The following PAK3 variants were observed in gnomAD, a reference collection of about 807,000 sequenced individuals.
PAK3 encodes serine/threonine-protein kinase PAK 3.
PAK3 carries 4 observed loss-of-function variants against 41.0 expected under a neutral mutation model. The ratio of observed to expected loss-of-function variants is 0.10; its 90% CI spans 0.05 to 0.22. The LOEUF is 0.22. PAK3 is among the 10% of genes least tolerant of loss of function. The probability of loss-of-function intolerance (pLI) is 1.00; values close to 1 mark genes in which losing one functional copy is unlikely to be tolerated. For synonymous variants in PAK3, 146 were observed against 139.6 expected (o/e 1.05, Z -0.32); for missense variants, 205 against 409.9 (o/e 0.50, Z 4.32).
intron 1 of PAK3, among the ~76,000 whole-genome samples, chrX:110,963,804 C>A (rs2091027859): frequency 8.9e-6 from 1 of 112,065 alleles, no homozygotes; most frequent in South Asian, 3.7e-4. Context: ...AGTTCTGATA[C>A]CTTGAGTCTT....
intron 16 of PAK3, 118 bp from the exon 17 acceptor site, chrX:111,216,303 A>G: frequency 1.9e-6 from 1 of 534,009 alleles, no homozygotes; most frequent in Non-Finnish European, 3.3e-6. Context: ...GTCATTCTCT[A>G]AAGTGGAATT....
intron 1 of PAK3, among the ~76,000 whole-genome samples, chrX:110,945,128 TCC>T (rs761944861): frequency 1.8e-5 from 2 of 112,065 alleles, no homozygotes; most frequent in Admixed American, 9.4e-5. Context: ...GAGAGGACAC[TCC>T]CTGTATGTGA....
intron 1 of PAK3, among the ~76,000 whole-genome samples, chrX:111,051,969 C>A (rs2092562966): frequency 8.9e-6 from 1 of 112,027 alleles, no homozygotes; most frequent in Admixed American, 9.5e-5. Flanking sequence ...TTATAATCTC[C>A]AAGGTCATTG....
chrX:111,191,243 C>A (rs2094557968), intron 11 of PAK3, among the ~76,000 whole-genome samples: 1 of 111,240 alleles, frequency 9.0e-6, no homozygotes, highest in African/African-American at 3.3e-5. Context: ...GGACTACAGG[C>A]ATGTGCCACC....
intron 1 of PAK3, among the ~76,000 whole-genome samples, chrX:111,022,718 T>C (rs1294650399): frequency 9.0e-6 from 1 of 111,140 alleles, no homozygotes; most frequent in Non-Finnish European, 1.9e-5. Flanking sequence ...ATGACCTGAA[T>C]GCTCCACTTG....
intron 16 of PAK3, among the ~76,000 whole-genome samples, chrX:111,204,491 C>T (rs949991119): frequency 3.6e-5 from 4 of 111,264 alleles, no homozygotes; most frequent in Admixed American, 9.6e-5. Flanking sequence ...TCGGCATTTG[C>T]GCACTGAAAT....
In PAK3 at chrX:111,147,922, A is replaced by G. The variant is rs1209429046; in HGVS notation, c.430+32A>G. On this transcript the variant is annotated intron_variant, in intron 7 of 17. Transcript: ENST00000372007. ...GGAAGTCTGTGGTATCAAAGGTGAA[A>G]AAGTAATTTCAATTTCAGAGTGTCA... 2.6e-6 allele frequency: 3 copies of G among 1,134,913 alleles called. No individual in the cohort carries two copies. The African/African-American group carries it at 5.4e-5, about 20-fold the overall frequency. The allele number at this position is 1,134,913 out of a possible 1,213,427, so 93.5% of individuals were successfully genotyped here.
chrX:111,023,500 T>C (rs1001417612), intron 1 of PAK3, among the ~76,000 whole-genome samples: 1 of 112,161 alleles, frequency 8.9e-6, no homozygotes, highest in African/African-American at 3.2e-5. Context: ...TAATTTACAC[T>C]CCCACCAACA....
At chrX:111,132,261 T>C (rs926496052) in intron 5 of PAK3, among the ~76,000 whole-genome samples, 3 of 111,155 alleles carry the variant, frequency 2.7e-5, no homozygotes, top group African/African-American at 9.8e-5. Context: ...AAGACTTATA[T>C]ATCCTTTCAA....
At chrX:111,158,881 G>T (rs781774721) in intron 8 of PAK3, among the ~76,000 whole-genome samples, 2 of 111,286 alleles carry the variant, frequency 1.8e-5, no homozygotes, top group Non-Finnish European at 3.8e-5. Context: ...AATGTGTAAG[G>T]CTGCTCCTTG....
At chrX:111,017,523 G>A (rs1338906269) in intron 1 of PAK3, among the ~76,000 whole-genome samples, 1 of 111,687 alleles carries the variant, frequency 9.0e-6, no homozygotes, top group Non-Finnish European at 1.9e-5. Flanking sequence ...GAAACATACA[G>A]CCTACCAATA....
intron 1 of PAK3, among the ~76,000 whole-genome samples, chrX:110,958,369 C>T (rs2090909374): frequency 9.0e-6 from 1 of 110,843 alleles, no homozygotes; most frequent in Admixed American, 9.6e-5. Context: ...TCATTCTGGC[C>T]GCTATATAAA....
At chrX:111,150,287 T>A (rs1398410600) in intron 7 of PAK3, among the ~76,000 whole-genome samples, 1 of 112,126 alleles carries the variant, frequency 8.9e-6, no homozygotes, top group East Asian at 2.8e-4. Flanking sequence ...TCCCCACATT[T>A]TTCTATCTTC....
intron 17 of PAK3, chrX:111,216,811 A>G (rs771112587): frequency 3.1e-4 from 114 of 371,300 alleles, no homozygotes; most frequent in Admixed American, 3.7e-4. Flanking sequence ...CAAGGAAAAA[A>G]AAAAAAGCAA....
At chrX:111,112,016 A>G (rs1393022059) in intron 4 of PAK3, among the ~76,000 whole-genome samples, 2 of 111,140 alleles carry the variant, frequency 1.8e-5, no homozygotes, top group South Asian at 3.9e-4. Context: ...AATGATTTCC[A>G]TGTTCCTACC....
intron 1 of PAK3, among the ~76,000 whole-genome samples, chrX:110,966,502 A>C (rs773609206): frequency 4.5e-5 from 5 of 111,377 alleles, no homozygotes; most frequent in Admixed American, 1.9e-4. Context: ...AGAGAGAGAG[A>C]GAGATCAGGG....
intron 13 of PAK3, among the ~76,000 whole-genome samples, 188 bp downstream of exon 13, chrX:111,192,806 GA>G (rs1291382051): frequency 8.9e-6 from 1 of 112,134 alleles, no homozygotes; most frequent in East Asian, 2.8e-4. Context: ...TCAGACACTT[GA>G]AGAAACATTT....
At chrX:111,138,155 C>G (rs994808140) in intron 5 of PAK3, among the ~76,000 whole-genome samples, 2 of 109,114 alleles carry the variant, frequency 1.8e-5, no homozygotes, top group Non-Finnish European at 3.8e-5. Flanking sequence ...CTGATATTTG[C>G]CAGCTGTGTA....
At chrX:111,116,992 A>C (rs1257570934) in intron 4 of PAK3, among the ~76,000 whole-genome samples, 1 of 111,421 alleles carries the variant, frequency 9.0e-6, no homozygotes. Flanking sequence ...GTATCTCCCT[A>C]GTGAGGCTCT....
Sources: allele counts gnomAD v4.1 joint callset (sites outside exome capture counted in the v4.1 genomes callset), GRCh38; gene constraint gnomAD v4.1.1; transcripts MANE v1.5; gene names NCBI Gene and HGNC (gene_info 2026-07-23, HGNC 2026-07-21).